TOX3: variants seen among roughly 807,000 people sequenced by gnomAD.
The protein encoded by TOX3 is CAG trinucleotide repeat-containing gene F9 protein.
Under a neutral mutation model 64.3 loss-of-function variants are expected in TOX3, and 22 were observed. The ratio of observed to expected loss-of-function variants is 0.34; its 90% CI spans 0.24 to 0.49. TOX3 has a LOEUF of 0.49. Ranked by LOEUF, TOX3 falls within the 20% of genes least tolerant of loss-of-function variation. The probability of loss-of-function intolerance (pLI) is 0.99; values close to 1 mark genes in which losing one functional copy is unlikely to be tolerated. For missense variants in TOX3, 661 were observed against 714.4 expected (o/e 0.93, Z 0.85); for synonymous variants, 291 against 273.6 (o/e 1.06, Z -0.63).
chr16:52,449,914 T>C (rs1960283177), intron 4 of TOX3, among the ~76,000 whole-genome samples: 1 of 152,258 alleles, frequency 6.6e-6, no homozygotes, highest in African/African-American at 2.4e-5. Flanking sequence ...CTTGCTCACA[T>C]GGACATTAAC....
At chr16:52,468,322 C>T (rs1960927353) in intron 2 of TOX3, among the ~76,000 whole-genome samples, 187 bp downstream of exon 2, 1 of 152,130 alleles carries the variant, frequency 6.6e-6, no homozygotes, top group Non-Finnish European at 1.5e-5. Flanking sequence ...TAACAGTCTA[C>T]AGACAAGTGA....
intron 1 of TOX3, among the ~76,000 whole-genome samples, chr16:52,486,539 C>A (rs1465784590): frequency 1.3e-5 from 2 of 151,900 alleles, no homozygotes; most frequent in African/African-American, 2.4e-5. Flanking sequence ...AGAACCATAT[C>A]AAAAAAAATT....
chr16:52,510,013 T>C (rs1962260091), intron 1 of TOX3, among the ~76,000 whole-genome samples: 1 of 152,022 alleles, frequency 6.6e-6, no homozygotes, highest in Non-Finnish European at 1.5e-5. Flanking sequence ...CTGGTAATAA[T>C]GAGGAGGGGG....
chr16:52,462,206 C>G (rs1293746860), intron 3 of TOX3, among the ~76,000 whole-genome samples: 1 of 152,040 alleles, frequency 6.6e-6, no homozygotes, highest in Non-Finnish European at 1.5e-5. Flanking sequence ...TTTTAAAAAT[C>G]AATGAAATAA....
At chr16:52,490,626 A>ATTTTTTTTTTT (rs3086679) in intron 1 of TOX3, among the ~76,000 whole-genome samples, 2,160 of 98,916 alleles carry the variant, frequency 0.022, 241 homozygotes, top group African/African-American at 0.07. Context: ...CTAGGATGTA[A>ATTTTTTTTTTT]TTTTTTTTTT....
At chr16:52,485,259 TATATATATATATAC>T (rs1961496904) in intron 1 of TOX3, among the ~76,000 whole-genome samples, 1 of 146,740 alleles carries the variant, frequency 6.8e-6, no homozygotes, top group African/African-American at 2.6e-5. Context: ...TATATATATA[TATATATATATATAC>T]ATATCTCCCA....
chr16:52,454,713 T>C (rs1282980836), intron 3 of TOX3, among the ~76,000 whole-genome samples: 2 of 152,196 alleles, frequency 1.3e-5, no homozygotes, highest in Admixed American at 1.3e-4. Context: ...TATAAAAGTA[T>C]TTACTGAGCC....
intron 1 of TOX3, among the ~76,000 whole-genome samples, chr16:52,541,355 T>C (rs1963074805): frequency 6.6e-6 from 1 of 152,134 alleles, no homozygotes; most frequent in South Asian, 2.1e-4. Context: ...CTCCTCTTAA[T>C]CAAAATCTTC....
intron 1 of TOX3, among the ~76,000 whole-genome samples, chr16:52,529,562 T>A (rs1962804899): frequency 6.6e-6 from 1 of 152,136 alleles, no homozygotes. Flanking sequence ...AAGGAAAAAG[T>A]AAATTTGAGA....
At chr16:52,486,028 G>C (rs112113767) in intron 1 of TOX3, among the ~76,000 whole-genome samples, 5 of 152,176 alleles carry the variant, frequency 3.3e-5, no homozygotes, top group Non-Finnish European at 7.3e-5. Context: ...CATTGTTGGG[G>C]TTGAGGTGCC....
chr16:52,536,581 T>C (rs1377184791), intron 1 of TOX3, among the ~76,000 whole-genome samples: 1 of 144,652 alleles, frequency 6.9e-6, no homozygotes, highest in East Asian at 2.0e-4. Context: ...GTTCTCTCTC[T>C]CTCTCCTCTC....
At chr16:52,535,239 T>C (rs1962923119) in intron 1 of TOX3, among the ~76,000 whole-genome samples, 1 of 152,146 alleles carries the variant, frequency 6.6e-6, no homozygotes, top group East Asian at 1.9e-4. Flanking sequence ...TCCCTTCCTC[T>C]CCACTCACTC....
Position 52,527,377 on chromosome 16 carries a change from A to T in TOX3, c.87+19260T>A, listed in dbSNP as rs555543475. Among the ~76,000 whole-genome samples, 174 of 152,208 alleles carry T rather than the reference A, an allele frequency of 1.1e-3. 1 individual carries two copies. The highest frequency in any genetic ancestry group is 9.6e-3 in the Admixed American group (147 of 15,282). On this transcript the variant is annotated intron_variant, in intron 1 of 6. Transcript: ENST00000219746. ...TGGTGGTGCTTTAACAATTCCTCCT[A>T]AATAGCTTTGTGACTTAGTCCAAGC... is the stretch of plus-strand genomic sequence containing the variant.
chr16:52,543,542 T>C (rs1963117486), intron 1 of TOX3, among the ~76,000 whole-genome samples: 1 of 152,156 alleles, frequency 6.6e-6, no homozygotes. Flanking sequence ...TTGAGCAACA[T>C]AATGAGTTTT....
intron 1 of TOX3, among the ~76,000 whole-genome samples, chr16:52,509,464 C>G (rs1183584790): frequency 6.6e-6 from 1 of 152,210 alleles, no homozygotes; most frequent in African/African-American, 2.4e-5. Context: ...AAACCAAATT[C>G]TTCAGCATAG....
At chr16:52,491,672 GCT>G (rs1176107962) in intron 1 of TOX3, among the ~76,000 whole-genome samples, 1 of 151,950 alleles carries the variant, frequency 6.6e-6, no homozygotes, top group African/African-American at 2.4e-5. Flanking sequence ...ATCTCTTTTT[GCT>G]CCCTCTTTTG....
At chr16:52,490,925 G>T (rs960155116) in intron 1 of TOX3, among the ~76,000 whole-genome samples, 1 of 151,976 alleles carries the variant, frequency 6.6e-6, no homozygotes, top group Admixed American at 6.6e-5. Flanking sequence ...TACCACACCT[G>T]GCCTAAGATG....
intron 1 of TOX3, among the ~76,000 whole-genome samples, chr16:52,532,659 A>G (rs1288248342): frequency 6.6e-6 from 1 of 152,246 alleles, no homozygotes; most frequent in Non-Finnish European, 1.5e-5. Context: ...GCGATAGATA[A>G]CTGGTACAGA....
intron 1 of TOX3, among the ~76,000 whole-genome samples, chr16:52,540,686 A>G (rs1454535736): frequency 6.6e-6 from 1 of 152,144 alleles, no homozygotes; most frequent in African/African-American, 2.4e-5. Context: ...ATGTACAGGA[A>G]GAGAAAGTAC....
Sources: gnomAD v4.1 joint callset for allele counts (sites outside exome capture counted in the v4.1 genomes callset) on GRCh38, gnomAD v4.1.1 for gene constraint, MANE v1.5 for transcripts, NCBI Gene and HGNC (gene_info 2026-07-23, HGNC 2026-07-21) for gene names.